The following YTHDC1 variants were observed in gnomAD, a reference collection of about 807,000 sequenced individuals.
The protein encoded by YTHDC1 is YTH N6-methyladenosine RNA binding protein C1, also known as YTH domain-containing protein 1.
A neutral mutation model predicts 107.0 loss-of-function variants in YTHDC1; 12 were observed. The ratio of observed to expected loss-of-function variants is 0.11; its 90% CI spans 0.07 to 0.18. The LOEUF (loss-of-function observed/expected upper bound fraction) is 0.18. Among genes scored for constraint, YTHDC1 ranks in the 10% least tolerant of loss-of-function variants. The probability of loss-of-function intolerance (pLI) is 1.00; values close to 1 mark genes in which losing one functional copy is unlikely to be tolerated. For missense variants in YTHDC1, 635 were observed against 898.8 expected (o/e 0.71, Z 3.75); for synonymous variants, 280 against 289.5 (o/e 0.97, Z 0.33).
Position 68,337,682 on chromosome 4 carries a change from G to A in YTHDC1, c.349C>T (p.Leu117=). ...KRLDADRKIR[L]SSSASREPYK... is the part of the protein sequence containing the mutation. ...GGTTCTCTGGAGGCACTACTTGATA[G>A]ACGAATTTTCCGATCAGCATCTAGA... Residue 117 remains leucine (L), a synonymous_variant, in exon 3 of 17, where the codon CTA becomes TTA. Transcript: ENST00000344157. The A allele has an allele frequency of 6.2e-7, 1 of 1,614,110 alleles. No homozygotes were observed.
chr4:68,339,436 C>G (rs549960829), intron 1 of YTHDC1, among the ~76,000 whole-genome samples: 5 of 152,144 alleles, frequency 3.3e-5, no homozygotes, highest in Non-Finnish European at 7.4e-5. Context: ...CTGGTGAAAT[C>G]TGAATAAAGT....
At chr4:68,346,759 T>C (rs1471363826) in intron 1 of YTHDC1, among the ~76,000 whole-genome samples, 2 of 152,226 alleles carry the variant, frequency 1.3e-5, no homozygotes, top group African/African-American at 2.4e-5. Flanking sequence ...GTAGTGATGA[T>C]GGCATACTGT....
At position 68,312,844 on chromosome 4, in the gene YTHDC1, G is replaced by GA. The variant is rs1055334839; in HGVS notation, c.*1254dup. The GA allele has an allele frequency of 3.9e-5, 6 of 152,112 alleles. No homozygotes were observed. The highest frequency in any genetic ancestry group is 3.9e-4 in the East Asian group (2 of 5,194). The allele number at this position is 152,112 out of a possible 1,614,324, so 9.4% of individuals were successfully genotyped here. A position where few individuals can be genotyped will look rare whatever the true frequency, so the allele number is the denominator to read the frequency against. The stretch of plus-strand genomic sequence containing the variant: ...GGCCAAAACTCCAGGTGTAACTCAA[G>GA]AAAAAATTCAAAAAAATTATTTCAT... On this transcript the variant is annotated 3_prime_UTR_variant, in exon 17 of 17. Coordinates refer to ENST00000344157, the MANE Select transcript of YTHDC1 (RefSeq NM_001031732.4).
In YTHDC1 at chr4:68,337,730, G is replaced by C. The variant is rs1331392471; in HGVS notation, c.301C>G (p.Gln101Glu). Residue 101 changes from glutamine to glutamate, a missense_variant, in exon 3 of 17, where the codon CAA becomes GAA. By Grantham distance (29) the Gln-to-Glu change is conservative. Coordinates refer to ENST00000344157, the MANE Select transcript of YTHDC1 (RefSeq NM_001031732.4). ...SATEYKNEEYQRSERNKRLDA... is the reference protein window; with the variant it reads ...SATEYKNEEYERSERNKRLDA... ...AGACGCTTGTTTCTTTCAGATCTTT[G>C]ATATTCCTCATTTTTATACTCTGTG... The C allele has an allele frequency of 1.2e-6, 2 of 1,613,856 alleles. No individual in the cohort carries two copies. The highest frequency in any genetic ancestry group is 2.7e-5 in the African/African-American group (2 of 74,844).
chr4:68,338,216 T>C (rs939340767), intron 2 of YTHDC1, 67 bp downstream of exon 2: 1 of 1,437,732 alleles, frequency 7.0e-7, no homozygotes, highest in Non-Finnish European at 9.4e-7. Context: ...CAGTCATTTT[T>C]TTTAAGAAAT....
intron 2 of YTHDC1, 121 bp downstream of exon 2, chr4:68,338,162 T>G (rs890763086): frequency 1.5e-6 from 2 of 1,297,586 alleles, no homozygotes; most frequent in African/African-American, 3.0e-5. Context: ...GTTTATTATG[T>G]ACATTTAGTG....
In YTHDC1 at chr4:68,322,779, G is replaced by T; in HGVS notation, c.1571C>A (p.Ser524Tyr). The change falls in exon 11 of 17, where the codon TCC becomes TAC. Residue 524 changes from serine to tyrosine, a missense_variant. By Grantham distance (144) the Ser-to-Tyr change is moderately radical. Transcript: ENST00000344157. This position sits in a 1 kb window ranked among gnomAD's most constrained non-coding sequence, Gnocchi z 4.8. ...HSQPRSRGRP[S>Y]RREPVRDVGR... ...CACATCCCGGACTGGTTCTCGACGG[G>T]ATGGACGTCCTCGTGATCGGGGCTG... 1 of 1,614,108 alleles carries T rather than the reference G, an allele frequency of 6.2e-7. No individual in the cohort carries two copies.
chr4:68,312,025 T>C lies in YTHDC1; in HGVS notation c.*2074A>G, dbSNP rs1721345856. The stretch of plus-strand genomic sequence containing the variant: ...AGCGGGGTGTGGTGGTGGGTGCCTG[T>C]AGTCCCAGCCATTCGGGAGGCTGAG... On this transcript the variant is annotated 3_prime_UTR_variant, in exon 17 of 17. Coordinates refer to ENST00000344157, the MANE Select transcript of YTHDC1 (RefSeq NM_001031732.4). The C allele has an allele frequency of 6.6e-6, 1 of 152,212 alleles. No individual in the cohort carries two copies. Among genetic ancestry groups the C allele is most frequent in the Admixed American group, 6.6e-5 (1 of 15,262 alleles). The allele number at this position is 152,212 out of a possible 1,614,324, so 9.4% of individuals were successfully genotyped here. A position where few individuals can be genotyped will look rare whatever the true frequency, so the allele number is the denominator to read the frequency against.
rs1485639632 is a variant in YTHDC1, at chr4:68,324,195, G to A, written c.1378C>T (p.His460Tyr). The A allele has an allele frequency of 3.7e-6, 6 of 1,613,846 alleles. No homozygotes were observed. In the Admixed American group the frequency reaches 5.0e-5, roughly 13 times the overall value. The change falls in exon 10 of 17, where the codon CAT becomes TAT. Residue 460 changes from histidine to tyrosine, a missense_variant. By Grantham distance (83) the His-to-Tyr change is moderately conservative (BLOSUM62 2). Around this residue, in one of 5 missense-constraint regions of YTHDC1, gnomAD observed 256 missense variants for 372.9 expected, o/e 0.69. Coordinates refer to ENST00000344157, the MANE Select transcript of YTHDC1 (RefSeq NM_001031732.4). ...TGTTCATTCCAAGGATTGGTGAGATGAGCCGACTTAGTGAAGGGTAATTCA... is the reference window on the plus strand; with the variant it reads ...TGTTCATTCCAAGGATTGGTGAGATAAGCCGACTTAGTGAAGGGTAATTCA... ...RRELPFTKSA[H>Y]LTNPWNEHKP...
At chr4:68,346,020 C>T (rs926676053) in intron 1 of YTHDC1, among the ~76,000 whole-genome samples, 4 of 150,318 alleles carry the variant, frequency 2.7e-5, no homozygotes, top group African/African-American at 9.8e-5. Context: ...TTAAATGACA[C>T]GACTGTGTTT....
intron 16 of YTHDC1, among the ~76,000 whole-genome samples, chr4:68,315,380 C>T (rs1721744677): frequency 6.6e-6 from 1 of 152,098 alleles, no homozygotes. Flanking sequence ...GGCTAGAAAG[C>T]TGCTCTGATT....
intron 1 of YTHDC1, among the ~76,000 whole-genome samples, chr4:68,349,208 T>C (rs17592868): frequency 0.066 from 10,018 of 152,246 alleles, 464 homozygotes; most frequent in South Asian, 0.13. Context: ...ACAAAACGGG[T>C]AATTCACTTT....
chr4:68,329,846 T>G (rs1723384356), intron 9 of YTHDC1, among the ~76,000 whole-genome samples, 156 bp downstream of exon 9: 1 of 152,218 alleles, frequency 6.6e-6, no homozygotes, highest in South Asian at 2.1e-4. Context: ...CATGTAACTT[T>G]AGACTAAATA....
chr4:68,323,285 G>C (rs1458617191), intron 10 of YTHDC1, among the ~76,000 whole-genome samples: 1 of 152,130 alleles, frequency 6.6e-6, no homozygotes, highest in East Asian at 1.9e-4. Context: ...CAACAACTTT[G>C]ATAATTATGA....
chr4:68,324,196 A>T lies in YTHDC1; in HGVS notation c.1377T>A (p.Ala459=). ...GTTCATTCCAAGGATTGGTGAGATG[A>T]GCCGACTTAGTGAAGGGTAATTCAC... ...CRRELPFTKS[A]HLTNPWNEHK... The change falls in exon 10 of 17, where the codon GCT becomes GCA. Residue 459 remains alanine, a synonymous_variant. Coordinates refer to ENST00000344157, the MANE Select transcript of YTHDC1 (RefSeq NM_001031732.4). 6.2e-7 allele frequency: 1 copy of T among 1,613,976 alleles called. No homozygotes were observed. The highest frequency in any genetic ancestry group is 8.5e-7 in the Non-Finnish European group (1 of 1,179,872).
chr4:68,325,855 A>G (rs1722934813), intron 9 of YTHDC1, among the ~76,000 whole-genome samples: 1 of 152,134 alleles, frequency 6.6e-6, no homozygotes, highest in African/African-American at 2.4e-5. Flanking sequence ...TCCACTAAGT[A>G]TCACTTAAAA....
chr4:68,349,997 C>T lies in YTHDC1; in HGVS notation c.-244G>A, dbSNP rs1160830434. ...CTTCTCGTTAGGGCTCAGACTCGGG[C>T]TAGGTATGGGGGAGGGAAGGGAAAC... On this transcript the variant is annotated 5_prime_UTR_variant, in exon 1 of 17. Transcript: ENST00000344157. 3.3e-6 allele frequency: 2 copies of T among 601,212 alleles called. No homozygotes were observed. The highest frequency in any genetic ancestry group is 3.0e-5 in the Admixed American group (1 of 33,452). The allele number at this position is 601,212 out of a possible 1,614,324, so 37.2% of individuals were successfully genotyped here.
intron 4 of YTHDC1, among the ~76,000 whole-genome samples, chr4:68,334,379 A>G (rs948500751): frequency 4.6e-5 from 7 of 152,158 alleles, no homozygotes; most frequent in Non-Finnish European, 8.8e-5. Context: ...TTTAATTCTC[A>G]TAACAAGTTC....
chr4:68,321,620 A>T (rs567770342), intron 11 of YTHDC1, among the ~76,000 whole-genome samples: 2 of 152,262 alleles, frequency 1.3e-5, no homozygotes, highest in Non-Finnish European at 2.9e-5. Flanking sequence ...TTCAAAAGAC[A>T]TCTTGGTGCT....
Sources: gnomAD v4.1 joint callset for allele counts (sites outside exome capture counted in the v4.1 genomes callset) on GRCh38, gnomAD v4.1.1 for gene constraint, gnomAD v4.1.1 regional missense constraint, Gnocchi (gnomAD v3.1) non-coding constraint, MANE v1.5 for transcripts, NCBI Gene and HGNC (gene_info 2026-07-23, HGNC 2026-07-21) for gene names.